The following NCAM1 variants were observed in gnomAD, a reference collection of about 807,000 sequenced individuals.
NCAM1 encodes the protein antigen recognized by monoclonal antibody 5.1H11.
NCAM1 carries 14 observed loss-of-function variants against 109.8 expected under a neutral mutation model. The ratio of observed to expected loss-of-function variants is 0.13; its 90% confidence interval spans 0.08 to 0.20. The LOEUF is 0.20. Ranked by LOEUF, NCAM1 falls within the 10% of genes least tolerant of loss-of-function variation. The pLI, the probability that NCAM1 is intolerant of heterozygous loss-of-function variation, is 1.00. For missense variants in NCAM1, 774 were observed against 1,109.9 expected (o/e 0.70, Z 4.30); for synonymous variants, 418 against 442.9 (o/e 0.94, Z 0.70).
chr11:113,252,977 C>G (rs782486582), intron 15 of NCAM1, among the ~76,000 whole-genome samples: 18 of 151,718 alleles, frequency 1.2e-4, no homozygotes, highest in Non-Finnish European at 2.5e-4. Context: ...ATAAAATGCT[C>G]TAAATTCTAA....
At chr11:113,177,025 A>G (rs1390370049) in intron 1 of NCAM1, among the ~76,000 whole-genome samples, 2 of 152,216 alleles carry the variant, frequency 1.3e-5, no homozygotes, top group African/African-American at 2.4e-5. Flanking sequence ...AACCTGCTTC[A>G]TCTTCTCCAA....
At chr11:113,243,267 G>A (rs1945392543) in intron 14 of NCAM1, among the ~76,000 whole-genome samples, 1 of 152,192 alleles carries the variant, frequency 6.6e-6, no homozygotes, top group Admixed American at 6.5e-5. Context: ...AGGAATAGGA[G>A]AAAATGGCTG....
chr11:113,245,117 A>T (rs1225577997), intron 14 of NCAM1, among the ~76,000 whole-genome samples: 1 of 152,136 alleles, frequency 6.6e-6, no homozygotes, highest in Non-Finnish European at 1.5e-5. Flanking sequence ...GTAAATCTCA[A>T]ATTTATGACT....
At position 113,103,702 on chromosome 11, in the gene NCAM1, T is replaced by C. The variant is rs1327774222; in HGVS notation, c.53-98677T>C. 3.3e-5 allele frequency among the ~76,000 whole-genome samples: 5 copies of C among 152,264 alleles called. No homozygotes were observed. In the East Asian group the frequency reaches 7.7e-4, roughly 24 times the overall value. On this transcript the variant is annotated intron_variant, in intron 1 of 19. Coordinates refer to ENST00000316851, the MANE Select transcript of NCAM1 (RefSeq NM_181351.5). ...GGCTAGACAAGGGGTCCCCAAAGTTTATCTGTGAAGGGCTTGATAACAATT... is the reference window on the plus strand; with the variant it reads ...GGCTAGACAAGGGGTCCCCAAAGTTCATCTGTGAAGGGCTTGATAACAATT...
intron 1 of NCAM1, among the ~76,000 whole-genome samples, chr11:113,141,282 A>G (rs1330995501): frequency 2.0e-5 from 3 of 152,182 alleles, no homozygotes; most frequent in Non-Finnish European, 4.4e-5. Flanking sequence ...ATGACATGCC[A>G]TCCTCCCAGT....
At chr11:113,040,738 T>C (rs1251429375) in intron 1 of NCAM1, among the ~76,000 whole-genome samples, 1 of 152,236 alleles carries the variant, frequency 6.6e-6, no homozygotes, top group African/African-American at 2.4e-5. Context: ...TATAAAGTGA[T>C]GGGTGATTCT....
intron 1 of NCAM1, among the ~76,000 whole-genome samples, chr11:113,037,239 C>G (rs1555079302): frequency 6.6e-6 from 1 of 152,118 alleles, no homozygotes; most frequent in African/African-American, 2.4e-5. Flanking sequence ...TATCAGCCAC[C>G]TTTTTAAGAT....
intron 1 of NCAM1, among the ~76,000 whole-genome samples, chr11:113,187,905 C>T (rs1943562127): frequency 2.0e-5 from 3 of 152,178 alleles, no homozygotes; most frequent in Admixed American, 2.0e-4. Context: ...AAGATACTGG[C>T]ATCTTTAAAG....
chr11:113,209,616 G>C (rs1944332902), intron 7 of NCAM1, among the ~76,000 whole-genome samples: 1 of 152,198 alleles, frequency 6.6e-6, no homozygotes, highest in Non-Finnish European at 1.5e-5. Context: ...CAAAGAGGGA[G>C]ATAAATGGAT....
intron 9 of NCAM1, among the ~76,000 whole-genome samples, chr11:113,225,891 T>C (rs1944829130): frequency 1.3e-5 from 2 of 152,166 alleles, no homozygotes; most frequent in South Asian, 4.1e-4. Context: ...CTGAGAGATT[T>C]TGTCACCACC....
intron 7 of NCAM1, 32 bp downstream of exon 7, chr11:113,208,034 T>C (rs12574998): frequency 0.09 from 141,596 of 1,581,054 alleles, 7,020 homozygotes; most frequent in East Asian, 0.18. Context: ...GTCACTGCTC[T>C]GCCACAATTC....
Position 113,139,467 on chromosome 11 carries a change from T to C in NCAM1, c.53-62912T>C, listed in dbSNP as rs117304696. 5.2e-3 allele frequency among the ~76,000 whole-genome samples: 797 copies of C among 152,308 alleles called. 1 individual carries two copies. Among genetic ancestry groups the C allele is most frequent in the Non-Finnish European group, 9.1e-3 (622 of 68,008 alleles). On this transcript the variant is annotated intron_variant, in intron 1 of 19. Coordinates refer to ENST00000316851, the MANE Select transcript of NCAM1 (RefSeq NM_181351.5). ...TTCTCATAACAAGCAGAAATGCTTT[T>C]AAGGAATTATTCTTTTTCGTCCTGT...
rs530759676 is a variant in NCAM1, at chr11:113,144,395, G to T, written c.53-57984G>T. 2.0e-5 allele frequency among the ~76,000 whole-genome samples: 3 copies of T among 152,278 alleles called. No homozygotes were observed. The East Asian group carries it at 5.8e-4, about 29-fold the overall frequency. ...ATATGATTTTGTTCTACTTCTTAAA[G>T]ATTAGCAGTATTCCCCTAACACTTT... On this transcript the variant is annotated intron_variant, in intron 1 of 19. Coordinates refer to ENST00000316851, the MANE Select transcript of NCAM1 (RefSeq NM_181351.5).
intron 1 of NCAM1, among the ~76,000 whole-genome samples, chr11:113,147,221 A>G (rs1942050338): frequency 6.6e-6 from 1 of 152,186 alleles, no homozygotes; most frequent in Non-Finnish European, 1.5e-5. Context: ...TTTCCTTACT[A>G]AAGACGATGC....
chr11:113,109,073 T>G (rs1282737880), intron 1 of NCAM1, among the ~76,000 whole-genome samples: 1 of 145,084 alleles, frequency 6.9e-6, no homozygotes, highest in South Asian at 2.5e-4. Flanking sequence ...GGAGGCCGGG[T>G]GCGGTGGCTC....
At chr11:113,038,831 G>T (rs1478540090) in intron 1 of NCAM1, among the ~76,000 whole-genome samples, 2 of 152,184 alleles carry the variant, frequency 1.3e-5, no homozygotes, top group Non-Finnish European at 2.9e-5. Context: ...TCAGTGGTGA[G>T]AATCCATCAG....
intron 1 of NCAM1, among the ~76,000 whole-genome samples, chr11:113,072,780 T>C (rs188548315): frequency 5.3e-5 from 8 of 151,814 alleles, no homozygotes; most frequent in Non-Finnish European, 1.0e-4. Flanking sequence ...ACATAGATTT[T>C]AGACCAATAA....
At chr11:113,260,812 T>C (rs1945969307) in intron 17 of NCAM1, among the ~76,000 whole-genome samples, 1 of 152,172 alleles carries the variant, frequency 6.6e-6, no homozygotes, top group African/African-American at 2.4e-5. Context: ...CCCATTTACT[T>C]ACAAACCCTA....
chr11:113,053,787 ACCACG>A (rs1221364007), intron 1 of NCAM1, among the ~76,000 whole-genome samples: 1 of 152,214 alleles, frequency 6.6e-6, no homozygotes, highest in African/African-American at 2.4e-5. Context: ...CCATCCGCAT[ACCACG>A]ATCTTAGCTG....
Sources: allele counts gnomAD v4.1 joint callset (sites outside exome capture counted in the v4.1 genomes callset), GRCh38; gene constraint gnomAD v4.1.1; transcripts MANE v1.5; gene names NCBI Gene and HGNC (gene_info 2026-07-23, HGNC 2026-07-21).